The following GBP6 variants were observed in gnomAD, a reference collection of about 807,000 sequenced individuals.
GBP6 encodes guanylate binding protein family member 6.
In GBP6, 54 loss-of-function variants were observed where a neutral mutation model predicts 61.5. That is an observed-to-expected ratio of 0.88 (90% CI 0.71 to 1.10). The LOEUF (loss-of-function observed/expected upper bound fraction) is 1.10, where lower values mean the gene tolerates loss of function less well. Ranked by LOEUF, GBP6 falls within the 50% of genes least tolerant of loss-of-function variation. The pLI, the probability that GBP6 is intolerant of heterozygous loss-of-function variation, is 0.00. For synonymous variants in GBP6, 255 were observed against 273.7 expected, an observed-to-expected ratio of 0.93 and a Z score of 0.67; for missense variants, 748 against 752.8, an observed-to-expected ratio of 0.99 and a Z score of 0.07.
intron 3 of GBP6, 131 bp from the exon 4 acceptor site, chr1:89,377,972 C>T (rs1570467310): frequency 1.3e-6 from 1 of 786,942 alleles, no homozygotes; most frequent in East Asian, 2.7e-5. Flanking sequence ...CTGTTGTTTA[C>T]ATTCATGTCT....
intron 3 of GBP6, among the ~76,000 whole-genome samples, chr1:89,370,637 C>T (rs12563649): frequency 0.19 from 29,010 of 151,968 alleles, 3,133 homozygotes; most frequent in South Asian, 0.28. Context: ...CCCAAACAGG[C>T]GTTAGAAATT....
At chr1:89,378,712 A>C in intron 5 of GBP6, 99 bp downstream of exon 5, 4 of 952,372 alleles carry the variant, frequency 4.2e-6, no homozygotes, top group Non-Finnish European at 6.3e-6. Context: ...TTGAGACTAG[A>C]TTGAGGTCTG....
Position 89,385,678 on chromosome 1 carries a change from G to A in GBP6, c.*209G>A, listed in dbSNP as rs765326614. On this transcript the variant is annotated 3_prime_UTR_variant, in exon 11 of 11. Coordinates refer to ENST00000370456, the MANE Select transcript of GBP6 (RefSeq NM_198460.3). ...CCCCCTAGTAGCTGGGATTATAGGT[G>A]TACACCACCACACCCAGCTAATTTT... 8 of 478,884 alleles carry A rather than the reference G, an allele frequency of 1.7e-5. No homozygotes were observed. Among genetic ancestry groups the A allele is most frequent in the Non-Finnish European group, 2.9e-5 (8 of 271,594 alleles). The allele number at this position is 478,884 out of a possible 1,614,324, so 29.7% of individuals were successfully genotyped here.
chr1:89,366,673 G>A (rs553656119), intron 1 of GBP6, among the ~76,000 whole-genome samples: 9 of 152,220 alleles, frequency 5.9e-5, no homozygotes. Flanking sequence ...CCAGGCTTTT[G>A]TCTTTTACTC....
chr1:89,384,388 C>CGA (rs1348287009), intron 10 of GBP6, 102 bp downstream of exon 10: 14 of 871,318 alleles, frequency 1.6e-5, no homozygotes, highest in Middle Eastern at 3.6e-4. Flanking sequence ...AAGCACATCA[C>CGA]CATTTGCTGC....
At chr1:89,380,086 C>T (rs577232471) in intron 5 of GBP6, among the ~76,000 whole-genome samples, 14 of 152,122 alleles carry the variant, frequency 9.2e-5, no homozygotes, top group Admixed American at 9.2e-4. Context: ...TGCAGTAAGC[C>T]GTGATTGTGC....
chr1:89,368,487 C>A, intron 1 of GBP6, 42 bp from the exon 2 acceptor site: 1 of 1,470,426 alleles, frequency 6.8e-7, no homozygotes, highest in Non-Finnish European at 9.4e-7. Flanking sequence ...TTGGGAAACA[C>A]TGAGACAGAG....
chr1:89,374,725 T>A (rs897684728), intron 3 of GBP6, among the ~76,000 whole-genome samples: 16 of 152,342 alleles, frequency 1.1e-4, no homozygotes, highest in African/African-American at 3.8e-4. Context: ...GTACGTCTTC[T>A]TTTGAGAAAT....
Position 89,378,500 on chromosome 1 carries a change from GTTTCTTCCCAGAC to G in GBP6, c.519_531del (p.Pro174GlyfsTer10). On this transcript the variant is annotated frameshift_variant, in exon 5 of 11. Transcript: ENST00000370456. LOFTEE classifies it high-confidence loss of function. ...GTAGAAGATTCCACAGAGTTTGTGA[GTTTCTTCCCAGAC>G]TTTCTTTGGACAGTACGGGATTTCA... 1.2e-6 allele frequency: 2 copies of G among 1,614,132 alleles called. No homozygotes were observed. Among genetic ancestry groups the G allele is most frequent in the Non-Finnish European group, 1.7e-6 (2 of 1,179,980 alleles).
Position 89,368,661 on chromosome 1 carries a change from C to T in GBP6, c.110C>T (p.Pro37Leu), listed in dbSNP as rs777296157. The change falls in exon 2 of 11, where the codon CCA (proline) becomes CTA (leucine). Residue 37 changes from proline (P) to leucine (L), a missense_variant. Coordinates refer to ENST00000370456, the MANE Select transcript of GBP6 (RefSeq NM_198460.3). ...CAGATTCTTGAAAAGATTTCTCAGC[C>T]AGTGGTGGTGGTGGCCATTGTAGGA... ...AIQILEKISQPVVVVAIVGLY... is the reference protein window; with the variant it reads ...AIQILEKISQLVVVVAIVGLY... 2 of 1,614,142 alleles carry T rather than the reference C, an allele frequency of 1.2e-6. No homozygotes were observed. Among genetic ancestry groups the T allele is most frequent in the Non-Finnish European group, 1.7e-6 (2 of 1,179,982 alleles).
intron 3 of GBP6, among the ~76,000 whole-genome samples, chr1:89,376,598 T>TGTG (rs1202525498): frequency 6.6e-6 from 1 of 152,216 alleles, no homozygotes; most frequent in Non-Finnish European, 1.5e-5. Flanking sequence ...AGCATCATAC[T>TGTG]ATTTTGACTA....
intron 6 of GBP6, among the ~76,000 whole-genome samples, chr1:89,381,266 CAAAAAAAAAAAAA>C (rs769164915): frequency 2.0e-5 from 1 of 51,218 alleles, no homozygotes; most frequent in Non-Finnish European, 4.2e-5. Context: ...GCCTGGGCCT[CAAAAAAAAAAAAA>C]AAAAAAAAAG....
At chr1:89,383,026 T>G in intron 8 of GBP6, 150 bp downstream of exon 8, 2 of 579,170 alleles carry the variant, frequency 3.5e-6, no homozygotes, top group Admixed American at 6.4e-5. Context: ...GAATAAAAAT[T>G]TTTATTCCAA....
intron 3 of GBP6, 145 bp from the exon 4 acceptor site, chr1:89,377,958 C>G: frequency 1.4e-6 from 1 of 698,522 alleles, no homozygotes; most frequent in Non-Finnish European, 2.4e-6. Context: ...CATATTGTAA[C>G]AAACTGTTGT....
intron 3 of GBP6, among the ~76,000 whole-genome samples, chr1:89,371,955 C>A (rs1412017117): frequency 6.6e-6 from 1 of 152,216 alleles, no homozygotes; most frequent in Non-Finnish European, 1.5e-5. Flanking sequence ...TGATAAGCAA[C>A]TTCAGCAAAG....
At chr1:89,369,479 G>T in intron 2 of GBP6, 67 bp from the exon 3 acceptor site, 1 of 1,559,670 alleles carries the variant, frequency 6.4e-7, no homozygotes. Flanking sequence ...CCAGTCTGAT[G>T]CTGTGGCCCC....
rs574971153 is a variant in GBP6 at position 89,371,858 on chromosome 1, A to G, written c.318+2185A>G. 2.0e-5 allele frequency among the ~76,000 whole-genome samples: 3 copies of G among 152,334 alleles called. No homozygotes were observed. In the East Asian group the frequency reaches 5.8e-4, roughly 29 times the overall value. The stretch of plus-strand genomic sequence containing the variant: ...GAAATAAAGGGTATTCAATTAGGAA[A>G]AGAGGAAGTCAAATTGTCCCTGTTT... On this transcript the variant is annotated intron_variant, in intron 3 of 10. Coordinates refer to ENST00000370456, the MANE Select transcript of GBP6 (RefSeq NM_198460.3).
Position 89,372,395 on chromosome 1 carries a change from G to A in GBP6, c.318+2722G>A, listed in dbSNP as rs1274036962. Among the ~76,000 whole-genome samples, 20 of 152,280 alleles carry A rather than the reference G, an allele frequency of 1.3e-4. No homozygotes were observed. In the East Asian group the frequency reaches 3.3e-3, roughly 25 times the overall value. ...AAAAGAACAAAGTTGGAGGCATCAT[G>A]CTACCTGACTTCAAACTATACTACA... On this transcript the variant is annotated intron_variant, in intron 3 of 10. Coordinates refer to ENST00000370456, the MANE Select transcript of GBP6 (RefSeq NM_198460.3).
At chr1:89,374,349 A>G (rs1418060885) in intron 3 of GBP6, among the ~76,000 whole-genome samples, 1 of 152,198 alleles carries the variant, frequency 6.6e-6, no homozygotes, top group African/African-American at 2.4e-5. Flanking sequence ...TTATGGATAT[A>G]TTTAAATATT....
Sources: gnomAD v4.1 joint callset for allele counts (sites outside exome capture counted in the v4.1 genomes callset) on GRCh38, gnomAD v4.1.1 for gene constraint, MANE v1.5 for transcripts, NCBI Gene and HGNC (gene_info 2026-07-23, HGNC 2026-07-21) for gene names.